The following ADGRG5 variants were observed in gnomAD, a reference collection of about 807,000 sequenced individuals.
ADGRG5 encodes the protein adhesion G protein-coupled receptor G5, also known as G protein-coupled receptor 114.
Under a neutral mutation model 53.2 loss-of-function variants are expected in ADGRG5, and 37 were observed. That is an observed-to-expected ratio of 0.70 (90% CI 0.53 to 0.91). ADGRG5 has a LOEUF of 0.91. ADGRG5 is among the 40% of genes least tolerant of loss of function. The pLI is 0.00. For missense variants in ADGRG5, 614 were observed against 675.8 expected (o/e 0.91, Z 1.01); for synonymous variants, 277 against 290.4 (o/e 0.95, Z 0.47).
intron 4 of ADGRG5, among the ~76,000 whole-genome samples, 173 bp downstream of exon 4, chr16:57,563,420 C>T (rs1002130619): frequency 6.6e-6 from 1 of 152,262 alleles, no homozygotes; most frequent in Non-Finnish European, 1.5e-5. Flanking sequence ...GGCTCATACT[C>T]GCTGTGTGAA....
chr16:57,551,374 G>A (rs2032749886), intron 1 of ADGRG5, among the ~76,000 whole-genome samples: 1 of 152,150 alleles, frequency 6.6e-6, no homozygotes, highest in South Asian at 2.1e-4. Flanking sequence ...ATTCAAAATT[G>A]GAGTCCGTCC....
At chr16:57,571,598 G>T (rs2033359572) in intron 10 of ADGRG5, among the ~76,000 whole-genome samples, 1 of 151,860 alleles carries the variant, frequency 6.6e-6, no homozygotes, top group South Asian at 2.1e-4. Context: ...TACAGATGAG[G>T]AAATAGAGGC....
At chr16:57,530,064 G>A in the ADGRG5 span, among the ~76,000 whole-genome samples, 1 of 152,160 alleles carries the variant, frequency 6.6e-6, no homozygotes, top group Admixed American at 6.5e-5. Flanking sequence ...CTCTAGTAAG[G>A]ATTTGCTGAA....
chr16:57,551,414 A>G lies in ADGRG5; in HGVS notation c.-39+8713A>G, dbSNP rs530070457. On this transcript the variant is annotated intron_variant, in intron 1 of 11. Coordinates refer to ENST00000349457, the MANE Select transcript of ADGRG5 (RefSeq NM_001304376.3). ...AAACCCTGCAGGGGCTTTATCCACT[A>G]CATTTATTTAATATTCTAAATCTTT... Among the ~76,000 whole-genome samples the G allele has an allele frequency of 4.9e-4, 74 of 152,312 alleles. 1 individual carries two copies. The South Asian group carries it at 0.015, about 30-fold the overall frequency.
At chr16:57,535,824 G>C in the ADGRG5 span, among the ~76,000 whole-genome samples, 2 of 152,168 alleles carry the variant, frequency 1.3e-5, no homozygotes, top group Non-Finnish European at 2.9e-5. Flanking sequence ...TAACAGGTGG[G>C]CAGACCTCCC....
the ADGRG5 span, among the ~76,000 whole-genome samples, chr16:57,530,230 C>T: frequency 6.6e-6 from 1 of 152,156 alleles, no homozygotes; most frequent in African/African-American, 2.4e-5. Context: ...TTCTCTGTGT[C>T]TCACTTCAGC....
At chr16:57,569,384 A>C (rs1231031241) in intron 9 of ADGRG5, among the ~76,000 whole-genome samples, 2,821 of 68,166 alleles carry the variant, frequency 0.041, no homozygotes, top group Middle Eastern at 0.12. Context: ...ACCTCCATCA[A>C]CTCCATCACC....
At position 57,574,863 on chromosome 16, in the gene ADGRG5, CGG is replaced by C; in HGVS notation, c.1258_1259del (p.Gly420ArgfsTer35). 6.2e-7 allele frequency: 1 copy of C among 1,610,332 alleles called. No individual in the cohort carries two copies. The highest frequency in any genetic ancestry group is 8.5e-7 in the Non-Finnish European group (1 of 1,178,736). ...TGCACAGTGTCCTGGTCATGGGCTA[CGG>C]CGGCCTCACGTCCCTCTTCAACCTG... is the stretch of plus-strand genomic sequence containing the variant. Reference protein sequence around the residue: ...VVHSVLVMGYGGLTSLFNLVV... With the variant: ...VVHSVLVMGYXGLTSLFNLVV... On this transcript the variant is annotated frameshift_variant, in exon 11 of 12. Coordinates refer to ENST00000349457, the MANE Select transcript of ADGRG5 (RefSeq NM_001304376.3). LOFTEE classifies it high-confidence loss of function. This position sits in a 1 kb window ranked among gnomAD's most constrained non-coding sequence, Gnocchi z 4.4.
Position 57,567,887 on chromosome 16 carries a change from A to G in ADGRG5, c.853A>G (p.Met285Val), listed in dbSNP as rs71387175. 60 of 1,612,456 alleles carry G rather than the reference A, an allele frequency of 3.7e-5. No homozygotes were observed. The highest frequency in any genetic ancestry group is 5.5e-5 in the South Asian group (5 of 91,000). Residue 285 changes from methionine (M) to valine (V), a missense_variant, in exon 9 of 12, where the codon ATG (methionine) becomes GTG (valine). Coordinates refer to ENST00000349457, the MANE Select transcript of ADGRG5 (RefSeq NM_001304376.3). ...GAGTGACTCCTTAACACGCATCCAC[A>G]TGAACCTGCATGCCTCCGTGCTGCT... is the stretch of plus-strand genomic sequence containing the variant. ...KQSDSLTRIH[M>V]NLHASVLLLN...
rs2033454611 is a variant in ADGRG5 at position 57,574,437 on chromosome 16, A to G, written c.1209-378A>G. Among the ~76,000 whole-genome samples, 1 of 152,188 alleles carries G rather than the reference A, an allele frequency of 6.6e-6. No individual in the cohort carries two copies. On this transcript the variant is annotated intron_variant, in intron 10 of 11. Coordinates refer to ENST00000349457, the MANE Select transcript of ADGRG5 (RefSeq NM_001304376.3). This position sits in a 1 kb window ranked among gnomAD's most constrained non-coding sequence, Gnocchi z 4.4. ...TGGGGTGGAAGGGGAAGTTTCCAGG[A>G]AAGAGGGCTCCGGGCCAAGGATCCA...
At chr16:57,571,829 G>A (rs1216438845) in intron 10 of ADGRG5, among the ~76,000 whole-genome samples, 5 of 151,824 alleles carry the variant, frequency 3.3e-5, no homozygotes, top group Non-Finnish European at 7.4e-5. Flanking sequence ...ATTTTTAGTA[G>A]AGACAGAGTT....
rs1337902763 is a variant in ADGRG5, at chr16:57,576,358, C to T, written c.*820C>T. 2.0e-5 allele frequency: 3 copies of T among 152,190 alleles called. No individual in the cohort carries two copies. The highest frequency in any genetic ancestry group is 4.4e-5 in the Non-Finnish European group (3 of 68,068). 9.4% of individuals were successfully genotyped at this position (152,190 alleles called of 1,614,324 possible). A position where few individuals can be genotyped will look rare whatever the true frequency, so the allele number is the denominator to read the frequency against. On this transcript the variant is annotated 3_prime_UTR_variant, in exon 12 of 12. Transcript: ENST00000349457. ...TTCTTGGGGGCAGAGGAAAACGCTT[C>T]TTTCTCCTCCAGCTGAATCAGCTGG... is the stretch of plus-strand genomic sequence containing the variant.
Position 57,574,535 on chromosome 16 carries a change from G to A in ADGRG5, c.1209-280G>A, listed in dbSNP as rs2033457326. Among the ~76,000 whole-genome samples, 1 of 152,248 alleles carries A rather than the reference G, an allele frequency of 6.6e-6. No homozygotes were observed. Among genetic ancestry groups the A allele is most frequent in the Non-Finnish European group, 1.5e-5 (1 of 68,048 alleles). On this transcript the variant is annotated intron_variant, in intron 10 of 11. Transcript: ENST00000349457. The surrounding 1 kb of genome is among the most constrained non-coding windows in gnomAD (Gnocchi z 4.4). ...GGAGTGAGATGTGGAAAGGAGAGAG[G>A]AAGAATTTTCAGGGGGGTGAAGACA...
intron 1 of ADGRG5, among the ~76,000 whole-genome samples, chr16:57,553,529 A>G (rs1006564324): frequency 6.6e-6 from 1 of 152,194 alleles, no homozygotes; most frequent in Non-Finnish European, 1.5e-5. Flanking sequence ...ATTCTGTTCT[A>G]TTCATCTCTA....
Position 57,564,964 on chromosome 16 carries a change from C to T in ADGRG5, c.430-70C>T, listed in dbSNP as rs555697671. ...TGCTGCTTGTTCTCATCCAGGGAAG[C>T]GGAGCTCAGACCTTACCCAGGGCCT... On this transcript the variant is annotated intron_variant, in intron 5 of 11. Transcript: ENST00000349457. 2.3e-5 allele frequency: 19 copies of T among 830,244 alleles called. No individual in the cohort carries two copies. In the Middle Eastern group the frequency reaches 9.2e-4, roughly 40 times the overall value. The allele number at this position is 830,244 out of a possible 1,614,324, so 51.4% of individuals were successfully genotyped here. A position where few individuals can be genotyped will look rare whatever the true frequency, so the allele number is the denominator to read the frequency against.
intron 1 of ADGRG5, among the ~76,000 whole-genome samples, chr16:57,552,563 G>A (rs143265430): frequency 1.2e-4 from 19 of 152,284 alleles, no homozygotes; most frequent in African/African-American, 4.3e-4. Context: ...GAATTGAAGA[G>A]TTAGGGCCTT....
intron 4 of ADGRG5, 82 bp downstream of exon 4, chr16:57,563,329 A>C (rs1320499895): frequency 8.0e-7 from 1 of 1,251,208 alleles, no homozygotes; most frequent in Non-Finnish European, 1.2e-6. Flanking sequence ...GACTTTCTTT[A>C]GGCTCCACTG....
intron 9 of ADGRG5, among the ~76,000 whole-genome samples, chr16:57,569,043 C>T (rs1376983696): frequency 1.3e-5 from 2 of 151,856 alleles, no homozygotes; most frequent in Non-Finnish European, 2.9e-5. Flanking sequence ...CCATCTCCTC[C>T]ACCTCCGTTA....
intron 1 of ADGRG5, among the ~76,000 whole-genome samples, chr16:57,558,477 A>G (rs1310130098): frequency 3.3e-5 from 5 of 152,194 alleles, no homozygotes; most frequent in Non-Finnish European, 7.3e-5. Flanking sequence ...CCAGCAGTAG[A>G]CTGCTATTAC....
Sources: gnomAD v4.1 joint callset for allele counts (sites outside exome capture counted in the v4.1 genomes callset) on GRCh38, gnomAD v4.1.1 for gene constraint, Gnocchi (gnomAD v3.1) non-coding constraint, MANE v1.5 for transcripts, NCBI Gene and HGNC (gene_info 2026-07-23, HGNC 2026-07-21) for gene names.